CLEC4F: variants seen among roughly 807,000 people sequenced by gnomAD.
CLEC4F encodes the protein C-type (calcium dependent, carbohydrate-recognition domain) lectin, superfamily member 13.
CLEC4F carries 45 observed loss-of-function variants against 53.4 expected under a neutral mutation model. That is an observed-to-expected ratio of 0.84 (90% confidence interval 0.66 to 1.08). CLEC4F has a LOEUF of 1.08. CLEC4F is among the 50% of genes least tolerant of loss of function. The probability of loss-of-function intolerance (pLI) is 0.00; values close to 1 mark genes in which losing one functional copy is unlikely to be tolerated. For missense variants in CLEC4F, 753 were observed against 698.2 expected (o/e 1.08, Z -0.88); for synonymous variants, 245 against 257.5 (o/e 0.95, Z 0.46).
chr2:70,810,073 A>G (rs1676465034), intron 5 of CLEC4F, among the ~76,000 whole-genome samples: 1 of 152,166 alleles, frequency 6.6e-6, no homozygotes, highest in Non-Finnish European at 1.5e-5. Flanking sequence ...AACTCAGGGT[A>G]AAACCAAAGG....
At chr2:70,821,782 G>A (rs781956209), upstream of CLEC4F, among the ~76,000 whole-genome samples, 6 of 152,156 alleles carry the variant, frequency 3.9e-5, no homozygotes, top group African/African-American at 7.2e-5. Context: ...GCAGTGGTAC[G>A]ATCATAAGTC....
Position 70,816,202 on chromosome 2 carries a change from T to C in CLEC4F, c.1179A>G (p.Leu393=), listed in dbSNP as rs1676891680. 1 of 1,614,246 alleles carries C rather than the reference T, an allele frequency of 6.2e-7. No homozygotes were observed. Among genetic ancestry groups the C allele is most frequent in the Non-Finnish European group, 8.5e-7 (1 of 1,180,044 alleles). ...CTGAAGCATTCTTCATTCCTTGTTT[T>C]AGGGTCTGTATCTCTCTGCTGGCAT... is the stretch of plus-strand genomic sequence containing the variant. ...MKNASREIQT[L]KQGMKNASAL... is the part of the protein sequence containing the mutation. Residue 393 remains leucine, a synonymous_variant, in exon 4 of 7, where the codon CTA becomes CTG. Transcript: ENST00000272367.
intron 6 of CLEC4F, among the ~76,000 whole-genome samples, 171 bp from the exon 7 acceptor site, chr2:70,809,553 C>T (rs1676426598): frequency 6.6e-6 from 1 of 152,128 alleles, no homozygotes. Flanking sequence ...ATACACCTCG[C>T]ACACCACATG....
In CLEC4F at chr2:70,809,053, T is replaced by C. The variant is rs1419958088; in HGVS notation, c.*218A>G. 2.0e-6 allele frequency: 3 copies of C among 1,525,402 alleles called. No individual in the cohort carries two copies. Among genetic ancestry groups the C allele is most frequent in the Non-Finnish European group, 2.6e-6 (3 of 1,135,692 alleles). The allele number at this position is 1,525,402 out of a possible 1,614,324, so 94.5% of individuals were successfully genotyped here. On this transcript the variant is annotated 3_prime_UTR_variant, in exon 7 of 7. Transcript: ENST00000272367. ...AGTCTGCCCATTCTTGTGCCGCCAG[T>C]TGTCAGACTGATTCTTTTCCCAAAA...
rs1232826506 is a variant in CLEC4F at position 70,808,811 on chromosome 2, A to C, written c.*460T>G. 2 of 488,096 alleles carry C rather than the reference A, an allele frequency of 4.1e-6. No homozygotes were observed. The highest frequency in any genetic ancestry group is 7.5e-6 in the Non-Finnish European group (2 of 267,754). 30.2% of individuals were successfully genotyped at this position (488,096 alleles called of 1,614,324 possible). ...GGGCTGAATCAAAGAACAAGGCAGGAAGTCCACAAGGCCAACGGAAGGTCC... is the reference window on the plus strand; with the variant it reads ...GGGCTGAATCAAAGAACAAGGCAGGCAGTCCACAAGGCCAACGGAAGGTCC... On this transcript the variant is annotated 3_prime_UTR_variant, in exon 7 of 7. Transcript: ENST00000272367.
intron 5 of CLEC4F, chr2:70,810,939 A>T: frequency 1.8e-6 from 1 of 540,882 alleles, no homozygotes; most frequent in Admixed American, 2.2e-5. Context: ...TTTCATATTC[A>T]TCAAATATCT....
chr2:70,817,112 T>C lies in CLEC4F; in HGVS notation c.269A>G (p.Asn90Ser). Residue 90 changes from asparagine (N) to serine (S), a missense_variant and splice_region_variant, in exon 4 of 7, where the codon AAT (asparagine) becomes AGT (serine). Transcript: ENST00000272367. The part of the protein sequence containing the change: ...ITGHLPFEPN[N>S]HHHFGREAEM... ...TGCCTCCCTGCCAAAGTGGTGATGA[T>C]CTGGAGGGAGGAAGTGAAGAAGGCA... The C allele has an allele frequency of 1.2e-6, 2 of 1,604,388 alleles. No individual in the cohort carries two copies. The highest frequency in any genetic ancestry group is 1.7e-6 in the Non-Finnish European group (2 of 1,178,350).
chr2:70,818,196 G>T (rs1214108480), intron 3 of CLEC4F, among the ~76,000 whole-genome samples: 7 of 152,210 alleles, frequency 4.6e-5, no homozygotes, highest in Non-Finnish European at 1.0e-4. Flanking sequence ...GGTACTGGGA[G>T]TTCAGTCAAA....
At chr2:70,821,242 T>C (rs1183655333), upstream of CLEC4F, among the ~76,000 whole-genome samples, 2 of 152,188 alleles carry the variant, frequency 1.3e-5, no homozygotes, top group African/African-American at 2.4e-5. Flanking sequence ...TAGAGTTTCC[T>C]GGGTGACAGG....
chr2:70,818,349 G>C (rs1553396937), intron 3 of CLEC4F, among the ~76,000 whole-genome samples: 1 of 152,168 alleles, frequency 6.6e-6, no homozygotes, highest in African/African-American at 2.4e-5. Context: ...TCAACAAATG[G>C]TGCTGGAACA....
rs782402176 is a variant in CLEC4F at position 70,819,342 on chromosome 2, T to C, written c.268+13A>G. 1.2e-6 allele frequency: 2 copies of C among 1,610,380 alleles called. No homozygotes were observed. Among genetic ancestry groups the C allele is most frequent in the Non-Finnish European group, 1.7e-6 (2 of 1,176,644 alleles). ...AGTTCCCTCTGCACCCCACCCCCAC[T>C]GTGGCTACTCACTGTTGGGTTCAAA... On this transcript the variant is annotated intron_variant, in intron 3 of 6. Transcript: ENST00000272367.
intron 4 of CLEC4F, among the ~76,000 whole-genome samples, chr2:70,813,488 C>T (rs541753910): frequency 1.4e-5 from 2 of 146,674 alleles, no homozygotes; most frequent in South Asian, 4.3e-4. Context: ...GTCTCTCTTT[C>T]TTTCTTTTTC....
At chr2:70,811,200 G>T (rs782374190) in intron 5 of CLEC4F, 1 of 723,728 alleles carries the variant, frequency 1.4e-6, no homozygotes, top group Non-Finnish European at 2.5e-6. Flanking sequence ...TATCTGGATG[G>T]CATTCACGCT....
intron 5 of CLEC4F, 48 bp from the exon 6 acceptor site, chr2:70,809,905 G>T: frequency 1.6e-6 from 2 of 1,285,224 alleles, no homozygotes; most frequent in Non-Finnish European, 2.3e-6. Flanking sequence ...TGGGGAGCCA[G>T]TTTTCCAGGC....
At chr2:70,820,357 T>C in intron 1 of CLEC4F, 106 bp downstream of exon 1, 2 of 990,254 alleles carry the variant, frequency 2.0e-6, no homozygotes, top group South Asian at 1.6e-5. Flanking sequence ...AGGACAAGGG[T>C]CTGGGGAGAG....
At position 70,816,241 on chromosome 2, in the gene CLEC4F, A is replaced by T. The variant is rs1553395812; in HGVS notation, c.1140T>A (p.Asn380Lys). 6.2e-7 allele frequency: 1 copy of T among 1,614,158 alleles called. No homozygotes were observed. Among genetic ancestry groups the T allele is most frequent in the African/African-American group, 1.3e-5 (1 of 75,046 alleles). ...CTCTGCTGGCATTTTTCATATGACC[A>T]TTTAAGACCTGAATCTGGGCATTTA... ...NTLNAQIQVL[N>K]GHMKNASREI... Residue 380 changes from asparagine to lysine, a missense_variant, in exon 4 of 7, where the codon AAT becomes AAA. Transcript: ENST00000272367.
rs1553394479 is a variant in CLEC4F at position 70,812,444 on chromosome 2, G to A, written c.1539+3C>T. 6 of 1,613,696 alleles carry A rather than the reference G, an allele frequency of 3.7e-6. No individual in the cohort carries two copies. The Admixed American group carries it at 1.0e-4, about 27-fold the overall frequency. On this transcript the variant is annotated splice_donor_region_variant and intron_variant, in intron 5 of 6. Coordinates refer to ENST00000272367, the MANE Select transcript of CLEC4F (RefSeq NM_173535.3). ...AACAACACCCCATGCTCGCAGCTCTGACCTGCTCCTCCTTGGAGGCCACAG... is the reference window on the plus strand; with the variant it reads ...AACAACACCCCATGCTCGCAGCTCTAACCTGCTCCTCCTTGGAGGCCACAG...
rs1553393456 is a variant in CLEC4F at position 70,809,214 on chromosome 2, GA to G, written c.*56del. The G allele has an allele frequency of 6.3e-7, 1 of 1,593,290 alleles. No individual in the cohort carries two copies. The highest frequency in any genetic ancestry group is 8.5e-7 in the Non-Finnish European group (1 of 1,169,846). ...GTCCTTCATCCCCTAGTGGCCCTAG[GA>G]TGAGGACAGGGCTGGGAGAAGGAGT... On this transcript the variant is annotated 3_prime_UTR_variant, in exon 7 of 7. Transcript: ENST00000272367.
At chr2:70,815,961 C>A in intron 4 of CLEC4F, 33 bp downstream of exon 4, 2 of 1,587,748 alleles carry the variant, frequency 1.3e-6, no homozygotes, top group Non-Finnish European at 1.7e-6. Context: ...GAGACTGTGC[C>A]CTCCCCAAAC....
Sources: gnomAD v4.1 joint callset for allele counts (sites outside exome capture counted in the v4.1 genomes callset) on GRCh38, gnomAD v4.1.1 for gene constraint, MANE v1.5 for transcripts, NCBI Gene and HGNC (gene_info 2026-07-23, HGNC 2026-07-21) for gene names.